Variants in GLRX3 observed in about 807,000 individuals in gnomAD.
The protein encoded by GLRX3 is glutaredoxin 3.
In GLRX3, 22 loss-of-function variants were observed where a neutral mutation model predicts 49.5. The ratio of observed to expected loss-of-function variants is 0.44; its 90% CI spans 0.32 to 0.63. The LOEUF is 0.63. Ranked by LOEUF, GLRX3 falls within the 30% of genes least tolerant of loss-of-function variation. GLRX3 has a pLI of 0.05. For synonymous variants in GLRX3, 133 were observed against 140.0 expected (o/e 0.95, Z 0.35); for missense variants, 385 against 396.3 (o/e 0.97, Z 0.24).
At chr10:130,139,150 C>T (rs568778553) in intron 1 of GLRX3, among the ~76,000 whole-genome samples, 24 of 151,598 alleles carry the variant, frequency 1.6e-4, no homozygotes, top group Middle Eastern at 3.4e-3. Flanking sequence ...CCACTGCGCC[C>T]GGCCAAAATG....
chr10:130,138,440 G>A lies in GLRX3; in HGVS notation c.92+1928G>A, dbSNP rs948635717. On this transcript the variant is annotated intron_variant, in intron 1 of 10. Transcript: ENST00000331244. ...GTACTCTGATTTTGCAATGGAGAGT[G>A]CAGGTGAGATGGGGTGTTGCCTTTG... Among the ~76,000 whole-genome samples the A allele has an allele frequency of 4.6e-5, 7 of 152,334 alleles. No individual in the cohort carries two copies. The South Asian group carries it at 1.2e-3, about 27-fold the overall frequency.
intron 6 of GLRX3, among the ~76,000 whole-genome samples, chr10:130,167,295 C>G (rs1159885701): frequency 1.3e-5 from 2 of 152,184 alleles, no homozygotes; most frequent in Non-Finnish European, 2.9e-5. Flanking sequence ...TGTCACTGCT[C>G]CTTGGCGTAA....
intron 1 of GLRX3, among the ~76,000 whole-genome samples, chr10:130,140,564 C>T (rs1336301286): frequency 6.6e-6 from 1 of 152,102 alleles, no homozygotes; most frequent in Non-Finnish European, 1.5e-5. Context: ...CTCAACATCC[C>T]AGAGTGTTGG....
Position 130,179,501 on chromosome 10 carries a change from C to A in GLRX3, c.*109C>A. On this transcript the variant is annotated 3_prime_UTR_variant, in exon 11 of 11. Coordinates refer to ENST00000331244, the MANE Select transcript of GLRX3 (RefSeq NM_006541.5). The stretch of plus-strand genomic sequence containing the variant: ...ACTAGGAATAGAAAATTCCTGCTTT[C>A]TCAGTTACATGTTTTGTGTATTTCA... 1.5e-6 allele frequency: 1 copy of A among 689,346 alleles called. No homozygotes were observed. The highest frequency in any genetic ancestry group is 2.6e-6 in the Non-Finnish European group (1 of 389,622). The allele number at this position is 689,346 out of a possible 1,614,324, so 42.7% of individuals were successfully genotyped here.
intron 3 of GLRX3, among the ~76,000 whole-genome samples, 170 bp downstream of exon 3, chr10:130,160,239 C>T (rs1862548601): frequency 6.6e-6 from 1 of 152,220 alleles, no homozygotes; most frequent in Non-Finnish European, 1.5e-5. Context: ...AGAAAGAAGA[C>T]CATGCCAGCT....
intron 6 of GLRX3, among the ~76,000 whole-genome samples, chr10:130,168,370 C>T (rs75311828): frequency 3.3e-5 from 5 of 152,184 alleles, no homozygotes; most frequent in Non-Finnish European, 2.9e-5. Context: ...GCTAATCCCA[C>T]TCGGTTGGCA....
At chr10:130,144,498 C>T (rs1862235200) in intron 1 of GLRX3, among the ~76,000 whole-genome samples, 1 of 151,910 alleles carries the variant, frequency 6.6e-6, no homozygotes, top group Non-Finnish European at 1.5e-5. Context: ...GTGATGTTCC[C>T]CTCCCTGTGT....
In GLRX3 at chr10:130,152,033, T is replaced by G. The variant is rs141199264; in HGVS notation, c.201+6714T>G. On this transcript the variant is annotated intron_variant, in intron 2 of 10. Transcript: ENST00000331244. ...ATTTTGTTGTGTGTGAATTTTTTTTTTTTTTGAGACGGAGTCTCACTCTAT... is the reference window on the plus strand; with the variant it reads ...ATTTTGTTGTGTGTGAATTTTTTTTGTTTTTGAGACGGAGTCTCACTCTAT... Among the ~76,000 whole-genome samples, 30 of 152,234 alleles carry G rather than the reference T, an allele frequency of 2.0e-4. No individual in the cohort carries two copies. In the East Asian group the frequency reaches 5.4e-3, roughly 27 times the overall value.
intron 2 of GLRX3, among the ~76,000 whole-genome samples, chr10:130,146,528 G>C (rs542266378): frequency 1.5e-4 from 23 of 152,276 alleles, no homozygotes; most frequent in African/African-American, 5.5e-4. Flanking sequence ...TTTGACTGTG[G>C]ATTAACTCAA....
At chr10:130,137,513 A>G (rs912171531) in intron 1 of GLRX3, among the ~76,000 whole-genome samples, 1 of 152,162 alleles carries the variant, frequency 6.6e-6, no homozygotes, top group Non-Finnish European at 1.5e-5. Context: ...CTCAGTAGCC[A>G]TGTAACCCCT....
intron 2 of GLRX3, among the ~76,000 whole-genome samples, chr10:130,153,313 T>A (rs1458865656): frequency 1.3e-5 from 2 of 152,252 alleles, no homozygotes; most frequent in Non-Finnish European, 2.9e-5. Flanking sequence ...CTTGTTGAAC[T>A]CATTCTCTGT....
chr10:130,171,649 T>TG lies in GLRX3; in HGVS notation c.824+14dup, dbSNP rs760429257. 7.4e-7 allele frequency: 1 copy of TG among 1,358,224 alleles called. No individual in the cohort carries two copies. Among genetic ancestry groups the TG allele is most frequent in the South Asian group, 1.2e-5 (1 of 85,936 alleles). The allele number at this position is 1,358,224 out of a possible 1,614,324, so 84.1% of individuals were successfully genotyped here. On this transcript the variant is annotated intron_variant, in intron 8 of 10. Transcript: ENST00000331244. ...TAAATAGTACTGGGTATGTAAATGT[T>TG]GTTTTCAAATGGTGTATTAAAAAAA...
At chr10:130,171,145 TAAATA>T (rs1002711519) in intron 7 of GLRX3, among the ~76,000 whole-genome samples, 9 of 151,150 alleles carry the variant, frequency 6.0e-5, no homozygotes, top group Non-Finnish European at 1.3e-4. Flanking sequence ...AATAAATAAA[TAAATA>T]AAATAAAAAG....
chr10:130,163,470 A>C (rs188356179), intron 4 of GLRX3, among the ~76,000 whole-genome samples: 3 of 152,360 alleles, frequency 2.0e-5, no homozygotes, highest in Admixed American at 6.5e-5. Flanking sequence ...GTAGTATTAT[A>C]GTTATTTAAT....
chr10:130,174,584 A>T (rs565608140), intron 8 of GLRX3, among the ~76,000 whole-genome samples: 57 of 152,360 alleles, frequency 3.7e-4, no homozygotes, highest in African/African-American at 1.4e-3. Context: ...CTGGCCTGTA[A>T]AGCCTGAAGT....
chr10:130,149,881 T>C (rs557034266), intron 2 of GLRX3, among the ~76,000 whole-genome samples: 1 of 148,446 alleles, frequency 6.7e-6, no homozygotes, highest in East Asian at 2.0e-4. Context: ...CCTCCTTGAC[T>C]AGATGGTGAG....
At chr10:130,143,785 C>A (rs1432494059) in intron 1 of GLRX3, among the ~76,000 whole-genome samples, 4 of 151,798 alleles carry the variant, frequency 2.6e-5, no homozygotes. Context: ...GTAACCTCTG[C>A]CTTCTGGGTT....
chr10:130,155,434 C>T (rs1862454413), intron 2 of GLRX3, among the ~76,000 whole-genome samples: 1 of 152,176 alleles, frequency 6.6e-6, no homozygotes, highest in Non-Finnish European at 1.5e-5. Context: ...AGTTAGGAGG[C>T]TCCTAGGCCA....
At chr10:130,149,777 C>CTT (rs67539009) in intron 2 of GLRX3, among the ~76,000 whole-genome samples, 59 of 142,092 alleles carry the variant, frequency 4.2e-4, no homozygotes, top group Middle Eastern at 3.7e-3. Flanking sequence ...TTTCCTGTAG[C>CTT]TTTTTTTTTT....
Sources: allele counts gnomAD v4.1 joint callset (sites outside exome capture counted in the v4.1 genomes callset), GRCh38; gene constraint gnomAD v4.1.1; transcripts MANE v1.5; gene names NCBI Gene and HGNC (gene_info 2026-07-23, HGNC 2026-07-21).